The following CDC42EP4 variants were observed in gnomAD, a reference collection of about 807,000 sequenced individuals.
The protein encoded by CDC42EP4 is CDC42 effector protein (Rho GTPase binding) 4.
CDC42EP4 carries 6 observed loss-of-function variants against 5.6 expected under a neutral mutation model. That is an observed-to-expected ratio of 1.07 (90% CI 0.59 to 2.12). The LOEUF (loss-of-function observed/expected upper bound fraction) is 2.12. Among genes scored for constraint, CDC42EP4 ranks in the 30% most tolerant of loss-of-function variants. CDC42EP4 has a pLI of 0.00. For missense variants in CDC42EP4, 490 were observed against 508.6 expected, an observed-to-expected ratio of 0.96 and a Z score of 0.35; for synonymous variants, 230 against 224.2, an observed-to-expected ratio of 1.03 and a Z score of -0.23.
In CDC42EP4 at chr17:73,285,993, C is replaced by G. The variant is rs375486831; in HGVS notation, c.508G>C (p.Ala170Pro). 1 of 1,613,446 alleles carries G rather than the reference C, an allele frequency of 6.2e-7. No homozygotes were observed. Among genetic ancestry groups the G allele is most frequent in the Admixed American group, 1.7e-5 (1 of 60,024 alleles). Residue 170 changes from alanine (A) to proline (P), a missense_variant, in exon 2 of 2, where the codon GCG (alanine) becomes CCG (proline). Transcript: ENST00000335793. The surrounding 1 kb of genome is among the most constrained non-coding windows in gnomAD (Gnocchi z 6.8). ...EEAVPRRNGA[A>P]GPHSPDPLLD... ...AGGGGGTCAGGGGAATGTGGACCCG[C>G]GGCCCCATTCCGACGGGGCACTGCC...
chr17:73,285,856 G>C lies in CDC42EP4; in HGVS notation c.645C>G (p.Pro215=), dbSNP rs779500963. Residue 215 remains proline (P), a synonymous_variant, in exon 2 of 2, where the codon CCC becomes CCG. Coordinates refer to ENST00000335793, the MANE Select transcript of CDC42EP4 (RefSeq NM_012121.5). The surrounding 1 kb of genome is among the most constrained non-coding windows in gnomAD (Gnocchi z 6.8). ...SIMSFHIDLG[P]SMLGDVLSIM... is the part of the protein sequence containing the mutation. ...TGCTGAGGACGTCACCCAGCATGGA[G>C]GGCCCCAGGTCGATGTGGAAGGACA... is the stretch of plus-strand genomic sequence containing the variant. 17 of 1,613,894 alleles carry C rather than the reference G, an allele frequency of 1.1e-5. No individual in the cohort carries two copies. The Admixed American group carries it at 2.8e-4, about 27-fold the overall frequency.
chr17:73,300,797 A>G (rs542118388), intron 1 of CDC42EP4, among the ~76,000 whole-genome samples: 9 of 152,348 alleles, frequency 5.9e-5, no homozygotes, highest in African/African-American at 2.2e-4. Flanking sequence ...CTGTAATCCC[A>G]GCACTCTGGG....
chr17:73,298,146 G>A (rs1006475992), intron 1 of CDC42EP4, among the ~76,000 whole-genome samples: 5 of 152,100 alleles, frequency 3.3e-5, no homozygotes, highest in East Asian at 3.8e-4. Context: ...GTCTCCATCC[G>A]TACTCTGCCT....
chr17:73,307,451 T>TC (rs1194113117), intron 1 of CDC42EP4: 1 of 149,506 alleles, frequency 6.7e-6, no homozygotes, highest in Non-Finnish European at 1.5e-5. Context: ...TTCTTTCTTT[T>TC]TTTTTTTTTT....
intron 1 of CDC42EP4, among the ~76,000 whole-genome samples, chr17:73,304,650 C>T (rs570745272): frequency 2.9e-4 from 3 of 10,470 alleles, no homozygotes; most frequent in South Asian, 2.8e-3. Context: ...TAAGGAACAT[C>T]GGGGTGGGGG....
chr17:73,299,445 ACACAC>A (rs1568344376), intron 1 of CDC42EP4, among the ~76,000 whole-genome samples: 29,473 of 103,858 alleles, frequency 0.28, 3,527 homozygotes, highest in Middle Eastern at 0.36. Context: ...AAAAAAAAAT[ACACAC>A]ACACACACAC....
chr17:73,299,322 C>T (rs1017602384), intron 1 of CDC42EP4, among the ~76,000 whole-genome samples: 31 of 151,226 alleles, frequency 2.0e-4, no homozygotes, highest in Admixed American at 7.3e-4. Flanking sequence ...CCCAGCTACT[C>T]GGGAGGTTGA....
At position 73,297,001 on chromosome 17, in the gene CDC42EP4, A is replaced by AAAAAAAAAAAAAAAAAAACAC. The variant is rs547362762; in HGVS notation, c.-112-10390_-112-10389insGTGTTTTTTTTTTTTTTTTTT. ...GTCTCAAAAAAAAAAAAAAAAAAAA[A>AAAAAAAAAAAAAAAAAAACAC]AAATACACAAGGCCAAGCGCCGTGG... On this transcript the variant is annotated intron_variant, in intron 1 of 1. Transcript: ENST00000335793. Among the ~76,000 whole-genome samples the AAAAAAAAAAAAAAAAAAACAC allele has an allele frequency of 1.6e-4, 10 of 61,772 alleles. 1 individual carries two copies. Among genetic ancestry groups the AAAAAAAAAAAAAAAAAAACAC allele is most frequent in the Non-Finnish European group, 2.3e-4 (7 of 30,032 alleles). The allele number at this position is 61,772 out of a possible 152,430, so 40.5% of individuals were successfully genotyped here.
Position 73,286,018 on chromosome 17 carries a change from C to T in CDC42EP4, c.483G>A (p.Glu161=), listed in dbSNP as rs374162933. 8.7e-6 allele frequency: 14 copies of T among 1,613,624 alleles called. No individual in the cohort carries two copies. The highest frequency in any genetic ancestry group is 1.1e-5 in the Non-Finnish European group (13 of 1,179,980). Residue 161 remains glutamate (E), a synonymous_variant, in exon 2 of 2, where the codon GAG becomes GAA. Transcript: ENST00000335793. The surrounding 1 kb of genome is among the most constrained non-coding windows in gnomAD (Gnocchi z 7.7). ...CGGCCCCATTCCGACGGGGCACTGC[C>T]TCCTCCGTGCCCGCCTCCTCATCGC... The part of the protein sequence containing the change: ...EGGDEEAGTE[E]AVPRRNGAAG...
chr17:73,284,202 C>T lies in CDC42EP4; in HGVS notation c.*1228G>A, dbSNP rs1353517162. On this transcript the variant is annotated 3_prime_UTR_variant, in exon 2 of 2. Transcript: ENST00000335793. ...AACTCAGCACTCTGTTTTGGTTTTGCTAAATCTGGCCAACCCTGGCCTCAA... is the reference window on the plus strand; with the variant it reads ...AACTCAGCACTCTGTTTTGGTTTTGTTAAATCTGGCCAACCCTGGCCTCAA... 6.6e-6 allele frequency: 1 copy of T among 152,006 alleles called. No individual in the cohort carries two copies. Among genetic ancestry groups the T allele is most frequent in the Non-Finnish European group, 1.5e-5 (1 of 68,014 alleles). 9.4% of individuals were successfully genotyped at this position (152,006 alleles called of 1,614,324 possible). A position where few individuals can be genotyped will look rare whatever the true frequency, so the allele number is the denominator to read the frequency against.
intron 1 of CDC42EP4, among the ~76,000 whole-genome samples, chr17:73,308,772 C>T (rs540660941): frequency 6.6e-6 from 1 of 151,922 alleles, no homozygotes; most frequent in South Asian, 2.1e-4. Context: ...CAGTGGTTTA[C>T]GCCTGTAATC....
At chr17:73,309,731 C>T (rs1228211748) in intron 1 of CDC42EP4, 1 of 152,448 alleles carries the variant, frequency 6.6e-6, no homozygotes, top group African/African-American at 2.4e-5. Flanking sequence ...AGGGAGATTT[C>T]AGAGGGGAGG....
At chr17:73,292,825 T>C (rs2062167769) in intron 1 of CDC42EP4, among the ~76,000 whole-genome samples, 1 of 152,212 alleles carries the variant, frequency 6.6e-6, no homozygotes, top group African/African-American at 2.4e-5. Context: ...CCAGGCCACA[T>C]AAAGAGTTCT....
chr17:73,304,584 G>A (rs2062235557), intron 1 of CDC42EP4, among the ~76,000 whole-genome samples: 1 of 148,352 alleles, frequency 6.7e-6, no homozygotes, highest in South Asian at 2.2e-4. Flanking sequence ...CGGTTGGTTA[G>A]GAGAGAGAGA....
chr17:73,285,801 C>T lies in CDC42EP4; in HGVS notation c.700G>A (p.Glu234Lys). 6.2e-7 allele frequency: 1 copy of T among 1,604,640 alleles called. No individual in the cohort carries two copies. The highest frequency in any genetic ancestry group is 8.5e-7 in the Non-Finnish European group (1 of 1,172,114). The change falls in exon 2 of 2, where the codon GAG becomes AAG. Residue 234 changes from glutamate to lysine, a missense_variant. By Grantham distance (56) the Glu-to-Lys change is moderately conservative. Transcript: ENST00000335793. This position sits in a 1 kb window ranked among gnomAD's most constrained non-coding sequence, Gnocchi z 6.8. ...TCGCCATGGTAACCACCCTCCCCCT[C>T]CTCGGGGTCCCACTCCTCCTTGTCC... is the stretch of plus-strand genomic sequence containing the variant. Reference protein sequence around the residue: ...IMDKEEWDPEEGEGGYHGDEG... With the variant: ...IMDKEEWDPEKGEGGYHGDEG...
chr17:73,302,303 C>T (rs1392130793), intron 1 of CDC42EP4, among the ~76,000 whole-genome samples: 2 of 152,152 alleles, frequency 1.3e-5, no homozygotes, highest in African/African-American at 2.4e-5. Flanking sequence ...CTCATTATCT[C>T]GTTATATTTG....
chr17:73,289,220 G>C (rs75341777), intron 1 of CDC42EP4, among the ~76,000 whole-genome samples: 1 of 152,086 alleles, frequency 6.6e-6, no homozygotes, highest in Non-Finnish European at 1.5e-5. Flanking sequence ...GCCGTTGGCC[G>C]GGCACAGTGG....
Position 73,286,474 on chromosome 17 carries a change from G to A in CDC42EP4, c.27C>T (p.Ser9=). The A allele has an allele frequency of 6.3e-7, 1 of 1,599,624 alleles. No homozygotes were observed. The highest frequency in any genetic ancestry group is 1.7e-5 in the Admixed American group (1 of 59,308). Residue 9 remains serine (S), a synonymous_variant, in exon 2 of 2, where the codon TCC becomes TCT. Transcript: ENST00000335793. This position sits in a 1 kb window ranked among gnomAD's most constrained non-coding sequence, Gnocchi z 7.7. MPILKQLV[S]SSVHSKRRSR... is the part of the protein sequence containing the mutation. ...AACGGCGCTTGGAGTGCACCGAGCT[G>A]GACACCAGTTGCTTGAGGATTGGCA...
intron 1 of CDC42EP4, among the ~76,000 whole-genome samples, chr17:73,310,532 G>A (rs770747900): frequency 6.6e-6 from 1 of 152,086 alleles, no homozygotes; most frequent in African/African-American, 2.4e-5. Flanking sequence ...TGGGCACCGG[G>A]CACACAGTAA....
Sources: allele counts gnomAD v4.1 joint callset (sites outside exome capture counted in the v4.1 genomes callset), GRCh38; gene constraint gnomAD v4.1.1; non-coding constraint Gnocchi (gnomAD v3.1); transcripts MANE v1.5; gene names NCBI Gene and HGNC (gene_info 2026-07-23, HGNC 2026-07-21).